Variants in IRGM observed in about 807,000 individuals in gnomAD.
The protein encoded by IRGM is immunity-related GTPase family M protein.
For missense variants in IRGM, 288 were observed against 219.9 expected, an observed-to-expected ratio of 1.31 and a Z score of -1.96; for synonymous variants, 98 against 80.6, an observed-to-expected ratio of 1.22 and a Z score of -1.16.
chr5:150,901,494 G>A (rs150420316), downstream of IRGM, among the ~76,000 whole-genome samples: 735 of 151,930 alleles, frequency 4.8e-3, 2 homozygotes, highest in Non-Finnish European at 7.5e-3. Context: ...TAGACAGCAC[G>A]GCTCTAAAAC....
At chr5:150,883,354 G>T (rs1349382620) in intron 3 of IRGM, among the ~76,000 whole-genome samples, 1 of 148,276 alleles carries the variant, frequency 6.7e-6, no homozygotes, top group Non-Finnish European at 1.5e-5. Flanking sequence ...GAACTAAAAA[G>T]ATAAGAAAAA....
Position 150,848,490 on chromosome 5 carries a change from T to G in IRGM, c.367T>G (p.Phe123Val). The G allele has an allele frequency of 6.4e-7, 1 of 1,551,852 alleles. No individual in the cohort carries two copies. The highest frequency in any genetic ancestry group is 8.7e-7 in the Non-Finnish European group (1 of 1,146,992). Reference protein sequence around the residue: ...YDFIMVASAQFSMNHVMLAKT... With the variant: ...YDFIMVASAQVSMNHVMLAKT... ...CTTCATCATGGTTGCATCTGCACAA[T>G]TCAGCATGAATCATGTGATGCTTGC... The change falls in exon 2 of 2, where the codon TTC becomes GTC. Residue 123 changes from phenylalanine (F) to valine (V), a missense_variant. Coordinates refer to ENST00000522154, the MANE Select transcript of IRGM (RefSeq NM_001145805.2).
chr5:150,898,122 T>C, intron 3 of IRGM: 3 of 1,613,700 alleles, frequency 1.9e-6, no homozygotes, highest in Non-Finnish European at 2.5e-6. Flanking sequence ...TCTCCCTTTA[T>C]GATCCATGGC....
chr5:150,849,364 A>G (rs1024244857), downstream of IRGM, among the ~76,000 whole-genome samples: 2 of 152,238 alleles, frequency 1.3e-5, no homozygotes, highest in African/African-American at 4.8e-5. Context: ...ACGAAGGAAT[A>G]TAAACTGTGC....
At chr5:150,896,010 T>G in intron 3 of IRGM, 1 of 1,613,510 alleles carries the variant, frequency 6.2e-7, no homozygotes. Context: ...TTCGGTACAC[T>G]CATACGGCTT....
At chr5:150,901,823 A>G (rs1461475657), downstream of IRGM, among the ~76,000 whole-genome samples, 1 of 152,252 alleles carries the variant, frequency 6.6e-6, no homozygotes, top group African/African-American at 2.4e-5. Context: ...ATCTGATAAA[A>G]TAGTAAAGGA....
At chr5:150,875,064 A>C (rs1386835457) in intron 1 of IRGM, among the ~76,000 whole-genome samples, 1 of 152,192 alleles carries the variant, frequency 6.6e-6, no homozygotes, top group Non-Finnish European at 1.5e-5. Context: ...AGCACACGTA[A>C]GTTACATGAG....
chr5:150,867,757 C>A (rs1178452261), intron 1 of IRGM, among the ~76,000 whole-genome samples: 2 of 150,442 alleles, frequency 1.3e-5, no homozygotes, highest in African/African-American at 4.9e-5. Context: ...TTTAATGTTT[C>A]TTGGCCATTT....
At chr5:150,871,487 C>G (rs1311160426) in intron 1 of IRGM, among the ~76,000 whole-genome samples, 3 of 152,164 alleles carry the variant, frequency 2.0e-5, no homozygotes, top group Admixed American at 6.5e-5. Flanking sequence ...TCATTTACTT[C>G]TGCTGTCTCT....
At chr5:150,849,494 T>C (rs1753939988), downstream of IRGM, among the ~76,000 whole-genome samples, 1 of 152,022 alleles carries the variant, frequency 6.6e-6, no homozygotes, top group Non-Finnish European at 1.5e-5. Context: ...AAAATATCAA[T>C]AATTATATTT....
downstream of IRGM, among the ~76,000 whole-genome samples, chr5:150,849,646 C>T (rs754710621): frequency 2.8e-4 from 36 of 130,166 alleles, no homozygotes; most frequent in South Asian, 4.8e-4. Context: ...CTTGCTCTGT[C>T]GCCAGGCTGG....
intron 3 of IRGM, among the ~76,000 whole-genome samples, chr5:150,889,213 T>G (rs982596967): frequency 1.3e-5 from 2 of 152,052 alleles, no homozygotes; most frequent in African/African-American, 2.4e-5. Flanking sequence ...CCCAAGACTC[T>G]GCTGTTTACA....
chr5:150,887,115 C>T (rs1443447143), intron 3 of IRGM, among the ~76,000 whole-genome samples: 4 of 151,688 alleles, frequency 2.6e-5, no homozygotes, highest in African/African-American at 4.8e-5. Context: ...GACAGAAATG[C>T]AATTCAGAAT....
At chr5:150,901,075 G>C (rs1404413382), downstream of IRGM, among the ~76,000 whole-genome samples, 1 of 152,020 alleles carries the variant, frequency 6.6e-6, no homozygotes, top group Non-Finnish European at 1.5e-5. Flanking sequence ...GGCTGAAAAG[G>C]AGGATATGTG....
At chr5:150,856,106 A>G (rs1210979299) in intron 1 of IRGM, among the ~76,000 whole-genome samples, 2 of 152,162 alleles carry the variant, frequency 1.3e-5, no homozygotes, top group African/African-American at 4.8e-5. Context: ...TATATGTCCA[A>G]ATTTTATAAG....
chr5:150,879,206 G>A (rs1754409635), intron 2 of IRGM, among the ~76,000 whole-genome samples: 1 of 152,214 alleles, frequency 6.6e-6, no homozygotes, highest in Non-Finnish European at 1.5e-5. Context: ...TTCCAAGGAT[G>A]TGCAGGTTAT....
chr5:150,869,238 C>T (rs756884702), intron 1 of IRGM, among the ~76,000 whole-genome samples: 2 of 151,928 alleles, frequency 1.3e-5, no homozygotes, highest in African/African-American at 2.4e-5. Flanking sequence ...TTGAGATGAT[C>T]GTGTGAATTT....
At chr5:150,867,683 G>A (rs1194881528) in intron 1 of IRGM, among the ~76,000 whole-genome samples, 1 of 151,978 alleles carries the variant, frequency 6.6e-6, no homozygotes, top group African/African-American at 2.4e-5. Flanking sequence ...CCTTGCAGGA[G>A]TAAGATAGTA....
At chr5:150,897,098 T>G (rs983584386) in intron 3 of IRGM, 2 of 699,292 alleles carry the variant, frequency 2.9e-6, no homozygotes, top group Non-Finnish European at 4.7e-6. Flanking sequence ...AAACAGGTCA[T>G]CTCAGAAGAC....
Sources: allele counts gnomAD v4.1 joint callset (sites outside exome capture counted in the v4.1 genomes callset), GRCh38; gene constraint gnomAD v4.1.1; transcripts MANE v1.5; gene names NCBI Gene and HGNC (gene_info 2026-07-23, HGNC 2026-07-21).